The following CRLF2 variants were observed in gnomAD, a reference collection of about 807,000 sequenced individuals.
CRLF2 encodes the protein cytokine receptor-like factor 2.
In CRLF2, 41 loss-of-function variants were observed where a neutral mutation model predicts 38.7. The ratio of observed to expected loss-of-function variants is 1.06; its 90% CI spans 0.83 to 1.37. The LOEUF (loss-of-function observed/expected upper bound fraction) is 1.37. CRLF2 is among the 40% of genes most tolerant of loss of function. The pLI, the probability that CRLF2 is intolerant of heterozygous loss-of-function variation, is 0.00. For missense variants in CRLF2, 377 were observed against 322.2 expected (o/e 1.17, Z -1.30); for synonymous variants, 140 against 128.8 (o/e 1.09, Z -0.59).
intron 3 of CRLF2, among the ~76,000 whole-genome samples, chrX:1,204,651 G>C (rs1188977586): frequency 6.6e-6 from 1 of 150,654 alleles, no homozygotes; most frequent in Non-Finnish European, 1.5e-5. Context: ...CTCCCGAGTA[G>C]CTGGGATTAC....
intron 4 of CRLF2, among the ~76,000 whole-genome samples, chrX:1,201,625 A>T (rs185611028): frequency 4.9e-4 from 73 of 149,918 alleles, no homozygotes; most frequent in African/African-American, 1.5e-3. Context: ...TAGACAGATG[A>T]TAGAGAGATA....
chrX:1,211,257 GTGGATGGATGGATGGA>G (rs772836935), intron 1 of CRLF2, among the ~76,000 whole-genome samples: 5 of 107,760 alleles, frequency 4.6e-5, no homozygotes, highest in Admixed American at 9.1e-5. Context: ...GGATGGATGG[GTGGATGGATGGATGGA>G]TGGATGGATG....
At chrX:1,201,580 G>A (rs752919999) in intron 4 of CRLF2, among the ~76,000 whole-genome samples, 38 of 151,838 alleles carry the variant, frequency 2.5e-4, no homozygotes, top group African/African-American at 8.2e-4. Context: ...ATGATACATA[G>A]ATGATAGAGC....
intron 1 of CRLF2, among the ~76,000 whole-genome samples, chrX:1,210,324 T>C (rs2086775291): frequency 6.6e-6 from 1 of 152,052 alleles, no homozygotes; most frequent in Non-Finnish European, 1.5e-5. Context: ...GTCTCTTTTT[T>C]TTATTTTGAG....
chrX:1,201,428 C>T (rs62605912), intron 4 of CRLF2, among the ~76,000 whole-genome samples: 1 of 120,604 alleles, frequency 8.3e-6, no homozygotes, highest in South Asian at 2.9e-4. Flanking sequence ...ATGATAGATA[C>T]ATAGATAAAA....
At chrX:1,191,342 T>TTTCTTTCCTTCC (rs2086374703) in intron 7 of CRLF2, among the ~76,000 whole-genome samples, 182 bp from the exon 8 acceptor site, 1 of 100,768 alleles carries the variant, frequency 9.9e-6, no homozygotes, top group African/African-American at 3.5e-5. Context: ...TCTTTCTTTC[T>TTTCTTTCCTTCC]TTCCTTCTTT....
In CRLF2 at chrX:1,212,417, G is replaced by GA. The variant is rs1336623965; in HGVS notation, c.79+138_79+139insT. The GA allele has an allele frequency of 2.5e-3, 1,350 of 531,478 alleles. 16 individuals carry two copies. In the African/African-American group the frequency reaches 0.053, roughly 21 times the overall value. The allele number at this position is 531,478 out of a possible 1,614,324, so 32.9% of individuals were successfully genotyped here. On this transcript the variant is annotated intron_variant, in intron 1 of 7. Transcript: ENST00000400841. ...TGAGGCAGGAGAATTGCTTGAACCC[G>GA]GAAAAAAAAAAAAAAAAAAAAGAAA...
chrX:1,191,680 C>T (rs1161653095), intron 7 of CRLF2, among the ~76,000 whole-genome samples: 1 of 151,510 alleles, frequency 6.6e-6, no homozygotes, highest in Non-Finnish European at 1.5e-5. Context: ...TACAGACGTG[C>T]ACCACCACAC....
intron 7 of CRLF2, among the ~76,000 whole-genome samples, chrX:1,192,204 CAA>C (rs1214481830): frequency 1.3e-5 from 1 of 78,810 alleles, no homozygotes; most frequent in East Asian, 3.6e-4. Flanking sequence ...GACTCCGTCT[CAA>C]AAAAAAAAAA....
At chrX:1,205,821 T>G (rs1324987040) in intron 3 of CRLF2, among the ~76,000 whole-genome samples, 1 of 151,194 alleles carries the variant, frequency 6.6e-6, no homozygotes, top group Non-Finnish European at 1.5e-5. Flanking sequence ...ACTGATCCAG[T>G]GACTTGCATG....
intron 1 of CRLF2, among the ~76,000 whole-genome samples, chrX:1,210,602 G>A (rs1244162212): frequency 1.1e-4 from 16 of 152,132 alleles, no homozygotes; most frequent in Admixed American, 5.9e-4. Context: ...GAGCCACAGC[G>A]CCCGGCCAAG....
At chrX:1,204,622 G>A (rs1305430438) in intron 3 of CRLF2, among the ~76,000 whole-genome samples, 5 of 151,186 alleles carry the variant, frequency 3.3e-5, no homozygotes, top group African/African-American at 1.2e-4. Context: ...CCGGGTTCAA[G>A]CAATTTCCCT....
chrX:1,201,356 G>A (rs1211479995), intron 4 of CRLF2, among the ~76,000 whole-genome samples: 2 of 150,742 alleles, frequency 1.3e-5, no homozygotes, highest in Admixed American at 6.7e-5. Context: ...GTGTGTGTGT[G>A]TAGAGAGACA....
intron 6 of CRLF2, among the ~76,000 whole-genome samples, chrX:1,194,206 C>T (rs2086441524): frequency 6.6e-6 from 1 of 152,034 alleles, no homozygotes; most frequent in Non-Finnish European, 1.5e-5. Context: ...AGGAGAATCA[C>T]TTGAACCTGG....
rs2086463389 is a variant in CRLF2 at position 1,195,810 on chromosome X, TTAAATTA to T, written c.767+963_767+969del. Among the ~76,000 whole-genome samples the T allele has an allele frequency of 5.7e-5, 4 of 70,018 alleles. No homozygotes were observed. In the South Asian group the frequency reaches 1.5e-3, roughly 27 times the overall value. 45.9% of individuals were successfully genotyped at this position (70,018 alleles called of 152,430 possible). A position where few individuals can be genotyped will look rare whatever the true frequency, so the allele number is the denominator to read the frequency against. ...TTTATATATATTTATATATTATATA[TTAAATTA>T]TATATATTATATATTAAATTATATA... On this transcript the variant is annotated intron_variant, in intron 6 of 7. Coordinates refer to ENST00000400841, the MANE Select transcript of CRLF2 (RefSeq NM_022148.4).
chrX:1,206,490 A>G lies in CRLF2; in HGVS notation c.292T>C (p.Ser98Pro). 1 of 1,613,556 alleles carries G rather than the reference A, an allele frequency of 6.2e-7. No individual in the cohort carries two copies. Among genetic ancestry groups the G allele is most frequent in the Non-Finnish European group, 8.5e-7 (1 of 1,179,594 alleles). Residue 98 changes from serine to proline, a missense_variant, in exon 3 of 8, where the codon TCC becomes CCC. Physicochemically the swap from Ser to Pro is moderately conservative, Grantham distance 74. Coordinates refer to ENST00000400841, the MANE Select transcript of CRLF2 (RefSeq NM_022148.4). ...AEQRDDILYF[S>P]IRNGTHPVFT... ...ACGGGGTGCGTCCCATTCCTGATGG[A>G]GAAATAGAGAATGTCGTCTCGCTGC...
chrX:1,192,087 C>T (rs1472378835), intron 7 of CRLF2, among the ~76,000 whole-genome samples: 9,969 of 148,230 alleles, frequency 0.067, 775 homozygotes, highest in African/African-American at 0.19. Flanking sequence ...CGCCTGTAGT[C>T]CCAGCTACTT....
intron 4 of CRLF2, among the ~76,000 whole-genome samples, chrX:1,200,027 G>GC (rs2086572252): frequency 6.7e-6 from 1 of 149,270 alleles, no homozygotes; most frequent in Non-Finnish European, 1.5e-5. Flanking sequence ...TATAAGCTCT[G>GC]TATATATGTG....
chrX:1,202,572 C>G (rs1569470733), intron 3 of CRLF2, 37 bp from the exon 4 acceptor site: 1 of 1,613,466 alleles, frequency 6.2e-7, no homozygotes, highest in Non-Finnish European at 8.5e-7. Flanking sequence ...CGTCCCTCCT[C>G]TCTGAGCTGA....
Sources: gnomAD v4.1 joint callset for allele counts (sites outside exome capture counted in the v4.1 genomes callset) on GRCh38, gnomAD v4.1.1 for gene constraint, MANE v1.5 for transcripts, NCBI Gene and HGNC (gene_info 2026-07-23, HGNC 2026-07-21) for gene names.